Variants in BSG observed in about 807,000 individuals in gnomAD.
BSG encodes the protein basigin (Ok blood group), also known as basigin.
BSG carries 37 observed loss-of-function variants against 43.1 expected under a neutral mutation model. The observed-to-expected ratio is 0.86, with a 90% CI of 0.66 to 1.13. BSG has a LOEUF of 1.13. Among genes scored for constraint, BSG ranks in the 50% most tolerant of loss-of-function variants. BSG has a pLI of 0.00. For missense variants in BSG, 599 were observed against 554.2 expected (o/e 1.08, Z -0.81); for synonymous variants, 309 against 238.7 (o/e 1.29, Z -2.72).
upstream of BSG, chr19:572,419 C>T: frequency 1.8e-6 from 2 of 1,132,384 alleles, no homozygotes; most frequent in Non-Finnish European, 2.2e-6. Flanking sequence ...CGCCGCCGCC[C>T]GGATTCCGTA....
Position 578,017 on chromosome 19 carries a change from G to A in BSG, c.311G>A (p.Gly104Asp). ...GACACGCTCGTGGAGGAGGACACGG[G>A]CACTTACGAGTGCCGGGCCAGCAAC... ...SIDTLVEEDT[G>D]TYECRASNDP... Residue 104 changes from glycine (G) to aspartate (D), a missense_variant, in exon 2 of 9, where the codon GGC becomes GAC. Transcript: ENST00000333511. 2 of 1,611,866 alleles carry A rather than the reference G, an allele frequency of 1.2e-6. No homozygotes were observed. The highest frequency in any genetic ancestry group is 1.7e-6 in the Non-Finnish European group (2 of 1,179,572).
At position 579,635 on chromosome 19, in the gene BSG, C is replaced by T. The variant is rs1157839560; in HGVS notation, c.551C>T (p.Pro184Leu). The T allele has an allele frequency of 3.1e-6, 5 of 1,610,630 alleles. No individual in the cohort carries two copies. The highest frequency in any genetic ancestry group is 4.2e-6 in the Non-Finnish European group (5 of 1,178,918). ...GTGGTGCTGAAGGAGGACGCGCTGC[C>T]CGGCCAGAAAACGGAGTTCAAGTGA... The part of the protein sequence containing the change: ...GGVVLKEDAL[P>L]GQKTEFKVDS... Residue 184 changes from proline (P) to leucine (L), a missense_variant, in exon 3 of 9, where the codon CCC becomes CTC. By Grantham distance (98) the Pro-to-Leu change is moderately conservative. Coordinates refer to ENST00000333511, the MANE Select transcript of BSG (RefSeq NM_001728.4).
chr19:571,451 C>G (rs1395434477), upstream of BSG: 6 of 756,094 alleles, frequency 7.9e-6, no homozygotes, highest in African/African-American at 1.7e-5. Context: ...GTGGTCGCCG[C>G]GGAACTTCAA....
In BSG at chr19:582,504, C is replaced by T. The variant is rs759051984; in HGVS notation, c.1095-10C>T. On this transcript the variant is annotated splice_polypyrimidine_tract_variant and intron_variant, in intron 7 of 8. Coordinates refer to ENST00000333511, the MANE Select transcript of BSG (RefSeq NM_001728.4). Reference sequence around the variant, plus strand: ...GGGGACACCCTCTCACCCGGCCCCTCGTGCCCCAGGAAGAGCAGCGGGCAG... The same window carrying T: ...GGGGACACCCTCTCACCCGGCCCCTTGTGCCCCAGGAAGAGCAGCGGGCAG... 225 of 1,607,284 alleles carry T rather than the reference C, an allele frequency of 1.4e-4. 1 individual carries two copies. The highest frequency in any genetic ancestry group is 1.1e-3 in the Admixed American group (64 of 59,222).
In BSG at chr19:572,718, G is replaced by C; in HGVS notation, c.67+17G>C. ...CCGGGGCTGGTGAGGAGCGGGTAGGGGGCGGGGGTGCGGTCCTGCAGGGGC... is the reference window on the plus strand; with the variant it reads ...CCGGGGCTGGTGAGGAGCGGGTAGGCGGCGGGGGTGCGGTCCTGCAGGGGC... On this transcript the variant is annotated intron_variant, in intron 1 of 8. Coordinates refer to ENST00000333511, the MANE Select transcript of BSG (RefSeq NM_001728.4). 1 of 1,465,180 alleles carries C rather than the reference G, an allele frequency of 6.8e-7. No individual in the cohort carries two copies. The highest frequency in any genetic ancestry group is 9.1e-7 in the Non-Finnish European group (1 of 1,101,024). The allele number at this position is 1,465,180 out of a possible 1,614,324, so 90.8% of individuals were successfully genotyped here. A position where few individuals can be genotyped will look rare whatever the true frequency, so the allele number is the denominator to read the frequency against.
rs1982184268 is a variant in BSG, at chr19:580,422, C to G, written c.616C>G (p.Leu206Val). The change falls in exon 4 of 9, where the codon CTC becomes GTC. Residue 206 changes from leucine (L) to valine (V), a missense_variant. Transcript: ENST00000333511. The part of the protein sequence containing the change: ...DQWGEYSCVF[L>V]PEPMGTANIQ... ...GTGGGGAGAGTACTCCTGCGTCTTC[C>G]TCCCCGAGCCCATGGGCACGGCCAA... is the stretch of plus-strand genomic sequence containing the variant. 3 of 1,611,178 alleles carry G rather than the reference C, an allele frequency of 1.9e-6. No homozygotes were observed. Among genetic ancestry groups the G allele is most frequent in the Admixed American group, 3.3e-5 (2 of 59,996 alleles).
In BSG at chr19:581,680, C is replaced by G. The variant is rs1055384208; in HGVS notation, c.1069+89C>G. 10 of 1,440,452 alleles carry G rather than the reference C, an allele frequency of 6.9e-6. No individual in the cohort carries two copies. In the African/African-American group the frequency reaches 1.0e-4, roughly 14 times the overall value. The allele number at this position is 1,440,452 out of a possible 1,614,324, so 89.2% of individuals were successfully genotyped here. A position where few individuals can be genotyped will look rare whatever the true frequency, so the allele number is the denominator to read the frequency against. ...CCGTCCCTGCCAGCCCCACCGCTGA[C>G]CCAGAGCTTGGAACTGAGGAGCCCC... On this transcript the variant is annotated intron_variant, in intron 6 of 8. Coordinates refer to ENST00000333511, the MANE Select transcript of BSG (RefSeq NM_001728.4).
chr19:571,977 T>A, upstream of BSG: 1 of 180,224 alleles, frequency 5.5e-6, no homozygotes, highest in Non-Finnish European at 1.2e-5. Context: ...GCACAGGACG[T>A]TTATACTAAG....
At chr19:572,847 C>T in intron 1 of BSG, 146 bp downstream of exon 1, 3 of 1,008,496 alleles carry the variant, frequency 3.0e-6, no homozygotes, top group Non-Finnish European at 3.9e-6. Flanking sequence ...CTTCCCGCGC[C>T]AGCATGGAGC....
Position 577,883 on chromosome 19 carries a change from A to C in BSG, c.177A>C (p.Glu59Asp). Reference protein sequence around the residue: ...SPVPEIQWWFEGQGPNDTCSQ... With the variant: ...SPVPEIQWWFDGQGPNDTCSQ... The stretch of plus-strand genomic sequence containing the variant: ...TGCCCGAGATCCAGTGGTGGTTTGA[A>C]GGGCAGGGTCCCAACGACACCTGCT... Residue 59 changes from glutamate to aspartate, a missense_variant, in exon 2 of 9, where the codon GAA becomes GAC. Glu to Asp is a conservative substitution (Grantham distance 45). Transcript: ENST00000333511. 1 of 1,579,936 alleles carries C rather than the reference A, an allele frequency of 6.3e-7. No homozygotes were observed. Among genetic ancestry groups the C allele is most frequent in the Non-Finnish European group, 8.6e-7 (1 of 1,158,186 alleles).
rs560674051 is a variant in BSG, at chr19:578,220, T to A, written c.415+99T>A. 5.9e-5 allele frequency: 72 copies of A among 1,215,954 alleles called. No individual in the cohort carries two copies. In the African/African-American group the frequency reaches 7.4e-4, roughly 12 times the overall value. The allele number at this position is 1,215,954 out of a possible 1,614,324, so 75.3% of individuals were successfully genotyped here. On this transcript the variant is annotated intron_variant, in intron 2 of 8. Transcript: ENST00000333511. ...AGTAGAACCCAGACGCCTCCTCCCCTCTCCGTCCCGCTGTGCCCCGTTGGG... is the reference window on the plus strand; with the variant it reads ...AGTAGAACCCAGACGCCTCCTCCCCACTCCGTCCCGCTGTGCCCCGTTGGG...
At position 582,802 on chromosome 19, in the gene BSG, C is replaced by T. The variant is rs1982453055; in HGVS notation, c.*58C>T. 3.4e-6 allele frequency: 2 copies of T among 588,352 alleles called. No homozygotes were observed. The highest frequency in any genetic ancestry group is 3.2e-5 in the Admixed American group (1 of 31,118). 36.4% of individuals were successfully genotyped at this position (588,352 alleles called of 1,614,324 possible). On this transcript the variant is annotated 3_prime_UTR_variant, in exon 9 of 9. Transcript: ENST00000333511. ...GTCTGCGCCGCCGCCGGAGTCCACT[C>T]CCAGTGCTTGCAAGATTCCAAGTTC...
chr19:577,193 G>T (rs1337353656), intron 1 of BSG, among the ~76,000 whole-genome samples: 2 of 152,160 alleles, frequency 1.3e-5, no homozygotes, highest in Admixed American at 1.3e-4. Flanking sequence ...GGAGGCGTGT[G>T]GCTGGAGGTG....
At chr19:572,743 C>A in intron 1 of BSG, 42 bp downstream of exon 1, 2 of 1,414,204 alleles carry the variant, frequency 1.4e-6, no homozygotes, top group South Asian at 2.9e-5. Context: ...CCTGCAGGGG[C>A]CGGGAATGGA....
At chr19:575,960 G>A (rs1002999404) in intron 1 of BSG, among the ~76,000 whole-genome samples, 1 of 152,150 alleles carries the variant, frequency 6.6e-6, no homozygotes, top group Non-Finnish European at 1.5e-5. Context: ...CACCCCCAGT[G>A]ACACGTCAAT....
Position 577,760 on chromosome 19 carries a change from T to C in BSG, c.68-14T>C, listed in dbSNP as rs2283569. ...CCAGGCACTAACAAGACCCCACGCG[T>C]GCTCTCCCCACAGCCGGCTTCGTCC... On this transcript the variant is annotated splice_polypyrimidine_tract_variant and intron_variant, in intron 1 of 8. Transcript: ENST00000333511. 0.11 allele frequency: 157,666 copies of C among 1,394,396 alleles called. 10,709 individuals carry two copies. The highest frequency in any genetic ancestry group is 0.28 in the South Asian group (16,290 of 58,318). 86.4% of individuals were successfully genotyped at this position (1,394,396 alleles called of 1,614,324 possible). A position where few individuals can be genotyped will look rare whatever the true frequency, so the allele number is the denominator to read the frequency against.
At chr19:573,416 C>T (rs906124773) in intron 1 of BSG, among the ~76,000 whole-genome samples, 1 of 152,214 alleles carries the variant, frequency 6.6e-6, no homozygotes, top group Admixed American at 6.5e-5. Context: ...TTTTGTCCTC[C>T]AAGAGCACAT....
At chr19:572,240 G>C (rs1170053294), upstream of BSG, 14 of 324,510 alleles carry the variant, frequency 4.3e-5, no homozygotes, top group East Asian at 1.7e-4. Context: ...CGGCCGGCCC[G>C]TGTTTAACTC....
intron 3 of BSG, 60 bp from the exon 4 acceptor site, chr19:580,319 G>A (rs1055768994): frequency 2.0e-5 from 30 of 1,516,774 alleles, no homozygotes; most frequent in Non-Finnish European, 2.5e-5. Context: ...GGAGAACCCT[G>A]GGTCCTTGGA....
Sources: allele counts gnomAD v4.1 joint callset (sites outside exome capture counted in the v4.1 genomes callset), GRCh38; gene constraint gnomAD v4.1.1; transcripts MANE v1.5; gene names NCBI Gene and HGNC (gene_info 2026-07-23, HGNC 2026-07-21).